ALK: variants seen among roughly 807,000 people sequenced by gnomAD.
ALK encodes the protein ALK tyrosine kinase receptor.
Under a neutral mutation model 163.1 loss-of-function variants are expected in ALK, and 74 were observed. That is an observed-to-expected ratio of 0.45 (90% CI 0.38 to 0.55). The LOEUF is 0.55. Among genes scored for constraint, ALK ranks in the 20% least tolerant of loss-of-function variants. ALK has a pLI of 0.00. For synonymous variants in ALK, 960 were observed against 843.2 expected (o/e 1.14, Z -2.40); for missense variants, 2,063 against 2,105.3 (o/e 0.98, Z 0.39).
In ALK at chr2:29,246,396, T is replaced by G. The variant is rs1453896046; in HGVS notation, c.2204+4709A>C. Among the ~76,000 whole-genome samples the G allele has an allele frequency of 6.6e-6, 1 of 152,148 alleles. No individual in the cohort carries two copies. The highest frequency in any genetic ancestry group is 1.5e-5 in the Non-Finnish European group (1 of 68,002). ...CCATTTTATGACAACACGAGGATGC[T>G]GTCCCCCTCCCCAGCACAAACCCCA... On this transcript the variant is annotated intron_variant, in intron 12 of 28. Transcript: ENST00000389048. The surrounding 1 kb of genome is among the most constrained non-coding windows in gnomAD (Gnocchi z 4.3).
intron 18 of ALK, 32 bp from the exon 19 acceptor site, chr2:29,225,597 A>T: frequency 6.4e-7 from 1 of 1,569,136 alleles, no homozygotes; most frequent in Non-Finnish European, 8.7e-7. Flanking sequence ...GGTATTGACA[A>T]CCACACCAGG....
intron 4 of ALK, among the ~76,000 whole-genome samples, chr2:29,403,784 T>C (rs1669510725): frequency 6.7e-6 from 1 of 148,826 alleles, no homozygotes; most frequent in African/African-American, 2.5e-5. Context: ...TGATAGTGTA[T>C]GCTTGTAATA....
At chr2:29,319,531 A>G (rs1330265046) in intron 7 of ALK, among the ~76,000 whole-genome samples, 1 of 152,148 alleles carries the variant, frequency 6.6e-6, no homozygotes, top group East Asian at 1.9e-4. Context: ...GAGAGGGGGT[A>G]GTTCAGTTCT....
At chr2:29,661,636 A>G (rs1461427086) in intron 3 of ALK, among the ~76,000 whole-genome samples, 1 of 152,188 alleles carries the variant, frequency 6.6e-6, no homozygotes. Flanking sequence ...GTCTATTTGC[A>G]TGGCACACTT....
intron 4 of ALK, among the ~76,000 whole-genome samples, chr2:29,392,550 A>G (rs534102027): frequency 1.3e-5 from 2 of 152,250 alleles, no homozygotes; most frequent in African/African-American, 4.8e-5. Flanking sequence ...GCATCTTCAG[A>G]ATCTGGACTG....
intron 4 of ALK, among the ~76,000 whole-genome samples, chr2:29,460,045 C>A (rs1671048060): frequency 1.3e-5 from 2 of 152,170 alleles, no homozygotes; most frequent in African/African-American, 4.8e-5. Context: ...CATTGCAAAT[C>A]TTGACCCATC....
intron 3 of ALK, among the ~76,000 whole-genome samples, chr2:29,544,055 T>G (rs887987820): frequency 1.3e-5 from 2 of 152,250 alleles, no homozygotes; most frequent in Non-Finnish European, 2.9e-5. Flanking sequence ...TACAATAAAC[T>G]ATTAAATCAT....
rs183312232 is a variant in ALK at position 29,231,608 on chromosome 2, C to T, written c.2632+696G>A. On this transcript the variant is annotated intron_variant, in intron 15 of 28. Coordinates refer to ENST00000389048, the MANE Select transcript of ALK (RefSeq NM_004304.5). ...ACTGTTTCTACTCTTCTATTCTAGC[C>T]GTCTCTCAATTGAGAGACAGTTTGC... Among the ~76,000 whole-genome samples the T allele has an allele frequency of 6.6e-5, 10 of 152,304 alleles. No individual in the cohort carries two copies. The South Asian group carries it at 1.0e-3, about 16-fold the overall frequency.
chr2:29,309,480 T>C (rs1280482600), intron 8 of ALK, among the ~76,000 whole-genome samples: 1 of 152,162 alleles, frequency 6.6e-6, no homozygotes, highest in Non-Finnish European at 1.5e-5. Flanking sequence ...GGTATTACAT[T>C]AATTATGTCT....
chr2:29,246,774 C>G lies in ALK; in HGVS notation c.2204+4331G>C, dbSNP rs1226511586. ...CTGCCATCTTTCCCCTGTCCTGGCT[C>G]AGTCCTTTTGACCATGGCCTGAGTG... On this transcript the variant is annotated intron_variant, in intron 12 of 28. Transcript: ENST00000389048. The surrounding 1 kb of genome is among the most constrained non-coding windows in gnomAD (Gnocchi z 4.3). Among the ~76,000 whole-genome samples the G allele has an allele frequency of 1.3e-5, 2 of 152,198 alleles. No individual in the cohort carries two copies. The highest frequency in any genetic ancestry group is 2.9e-5 in the Non-Finnish European group (2 of 68,034).
intron 3 of ALK, among the ~76,000 whole-genome samples, chr2:29,565,227 A>T (rs927806494): frequency 6.6e-6 from 1 of 152,208 alleles, no homozygotes; most frequent in African/African-American, 2.4e-5. Context: ...TACTGTGCCA[A>T]TTTTTGCAAA....
At chr2:29,259,049 A>C (rs752690977) in intron 11 of ALK, among the ~76,000 whole-genome samples, 1 of 152,196 alleles carries the variant, frequency 6.6e-6, no homozygotes, top group African/African-American at 2.4e-5. Flanking sequence ...TTCCAACTCA[A>C]ATTCAGGACG....
At chr2:29,474,365 T>C (rs1671450550) in intron 4 of ALK, among the ~76,000 whole-genome samples, 1 of 152,246 alleles carries the variant, frequency 6.6e-6, no homozygotes, top group Non-Finnish European at 1.5e-5. Flanking sequence ...GCTTCTTACC[T>C]GCCGGTAAGT....
At chr2:29,345,228 T>C (rs1170810336) in intron 5 of ALK, among the ~76,000 whole-genome samples, 2 of 151,902 alleles carry the variant, frequency 1.3e-5, no homozygotes, top group Non-Finnish European at 2.9e-5. Flanking sequence ...ACCTTGTCTC[T>C]ACTAAAAATA....
chr2:29,352,419 T>C (rs933759836), intron 5 of ALK, among the ~76,000 whole-genome samples: 4 of 152,224 alleles, frequency 2.6e-5, no homozygotes, highest in African/African-American at 9.6e-5. Context: ...GTGCCCTGTG[T>C]AGGCCACGGC....
chr2:29,388,984 C>T (rs1374831232), intron 4 of ALK, among the ~76,000 whole-genome samples: 1 of 152,234 alleles, frequency 6.6e-6, no homozygotes, highest in Non-Finnish European at 1.5e-5. Flanking sequence ...CTCCATCTCA[C>T]TTAGAGTAAA....
At chr2:29,206,002 G>A (rs1481078695) in intron 26 of ALK, among the ~76,000 whole-genome samples, 1 of 152,150 alleles carries the variant, frequency 6.6e-6, no homozygotes, top group Non-Finnish European at 1.5e-5. Flanking sequence ...AGGGGCCAGT[G>A]GGGGCCAGGA....
chr2:29,891,108 G>A (rs1046821121), intron 1 of ALK: 1 of 152,184 alleles, frequency 6.6e-6, no homozygotes, highest in Admixed American at 6.5e-5. Context: ...ATAGCTTGGG[G>A]GGAAACCTAA....
intron 3 of ALK, among the ~76,000 whole-genome samples, chr2:29,637,284 C>T (rs1263972814): frequency 6.6e-6 from 1 of 152,134 alleles, no homozygotes; most frequent in Non-Finnish European, 1.5e-5. Context: ...CGTGTGAAAA[C>T]TTAGATACAT....
Sources: gnomAD v4.1 joint callset for allele counts (sites outside exome capture counted in the v4.1 genomes callset) on GRCh38, gnomAD v4.1.1 for gene constraint, Gnocchi (gnomAD v3.1) non-coding constraint, MANE v1.5 for transcripts, NCBI Gene and HGNC (gene_info 2026-07-23, HGNC 2026-07-21) for gene names.